CCDC97: variants seen among roughly 807,000 people sequenced by gnomAD.
CCDC97 encodes coiled-coil domain containing 97.
A neutral mutation model predicts 33.9 loss-of-function variants in CCDC97; 27 were observed. That is an observed-to-expected ratio of 0.80 (90% confidence interval 0.59 to 1.10). The LOEUF is 1.10. Among genes scored for constraint, CCDC97 ranks in the 50% least tolerant of loss-of-function variants. The probability of loss-of-function intolerance (pLI) is 0.00; values close to 1 mark genes in which losing one functional copy is unlikely to be tolerated. For missense variants in CCDC97, 422 were observed against 476.6 expected (o/e 0.89, Z 1.07); for synonymous variants, 217 against 194.0 (o/e 1.12, Z -0.99).
At chr19:41,320,251 G>C in intron 3 of CCDC97, 90 bp from the exon 4 acceptor site, 2 of 1,555,556 alleles carry the variant, frequency 1.3e-6, no homozygotes, top group Non-Finnish European at 1.8e-6. Flanking sequence ...CGCAAGGCTG[G>C]GCACAGGAGC....
At chr19:41,315,567 G>A (rs970056725) in intron 1 of CCDC97, among the ~76,000 whole-genome samples, 5 of 148,798 alleles carry the variant, frequency 3.4e-5, no homozygotes, top group South Asian at 2.1e-4. Context: ...CAGATCTCAC[G>A]CCATTGCACT....
intron 3 of CCDC97, 46 bp from the exon 4 acceptor site, chr19:41,320,295 G>C: frequency 6.2e-7 from 1 of 1,609,928 alleles, no homozygotes; most frequent in Non-Finnish European, 8.5e-7. Flanking sequence ...CTCAGTGCCT[G>C]CCCGAGTGCA....
chr19:41,317,086 G>A (rs2037758724), intron 2 of CCDC97, among the ~76,000 whole-genome samples: 1 of 152,198 alleles, frequency 6.6e-6, no homozygotes. Flanking sequence ...GATGTTAGAA[G>A]TGGCATTTCA....
Position 41,319,619 on chromosome 19 carries a change from T to A in CCDC97, c.548T>A (p.Leu183Gln), listed in dbSNP as rs1281044763. ...SDEQMRFRAP[L>Q]LYEQYIGQYL... ...GAGCAGATGCGGTTCCGGGCCCCCCTGCTATATGAGCAGTACATCGGGCAG... is the reference window on the plus strand; with the variant it reads ...GAGCAGATGCGGTTCCGGGCCCCCCAGCTATATGAGCAGTACATCGGGCAG... Residue 183 changes from leucine (L) to glutamine (Q), a missense_variant, in exon 3 of 5, where the codon CTG (leucine) becomes CAG (glutamine). By Grantham distance (113) the Leu-to-Gln change is moderately radical. Transcript: ENST00000269967. The A allele has an allele frequency of 1.2e-6, 2 of 1,612,960 alleles. No homozygotes were observed. Among genetic ancestry groups the A allele is most frequent in the Non-Finnish European group, 1.7e-6 (2 of 1,179,266 alleles).
chr19:41,310,668 T>C (rs1454334735), intron 1 of CCDC97: 3 of 1,301,204 alleles, frequency 2.3e-6, no homozygotes, highest in Admixed American at 3.4e-5. Flanking sequence ...GCCTAATTCC[T>C]GCATTGCCTC....
rs752661636 is a variant in CCDC97 at position 41,319,672 on chromosome 19, C to T, written c.601C>T (p.Arg201Cys). ...QYLTQEELSA[R>C]TPTHQPPKPG... ...TCTCACCCAGGAGGAGCTCAGTGCC[C>T]GCACCCCAACCCACCAGCCCCCCAA... is the stretch of plus-strand genomic sequence containing the variant. Residue 201 changes from arginine to cysteine, a missense_variant, in exon 3 of 5, where the codon CGC (arginine) becomes TGC (cysteine). Arg to Cys is a radical substitution (Grantham distance 180). Coordinates refer to ENST00000269967, the MANE Select transcript of CCDC97 (RefSeq NM_052848.3). 32 of 1,613,930 alleles carry T rather than the reference C, an allele frequency of 2.0e-5. No individual in the cohort carries two copies. Among genetic ancestry groups the T allele is most frequent in the South Asian group, 1.2e-4 (11 of 91,082 alleles).
At chr19:41,316,889 G>C (rs1259845164) in intron 2 of CCDC97, 50 bp downstream of exon 2, 1 of 1,370,760 alleles carries the variant, frequency 7.3e-7, no homozygotes, top group Non-Finnish European at 1.0e-6. Context: ...AGGGAGGGGA[G>C]ACTGAGGCAG....
In CCDC97 at chr19:41,319,639, G is replaced by A. The variant is rs201959741; in HGVS notation, c.568G>A (p.Gly190Arg). 184 of 1,613,830 alleles carry A rather than the reference G, an allele frequency of 1.1e-4. No individual in the cohort carries two copies. The highest frequency in any genetic ancestry group is 1.2e-5 in the Non-Finnish European group (14 of 1,179,954). The change falls in exon 3 of 5, where the codon GGG (glycine) becomes AGG (arginine). Residue 190 changes from glycine (G) to arginine (R), a missense_variant. Gly to Arg is a moderately radical substitution (Grantham distance 125). Transcript: ENST00000269967. The stretch of plus-strand genomic sequence containing the variant: ...CCCCCTGCTATATGAGCAGTACATC[G>A]GGCAGTATCTCACCCAGGAGGAGCT... ...RAPLLYEQYI[G>R]QYLTQEELSA... is the part of the protein sequence containing the mutation.
chr19:41,322,819 G>A lies in CCDC97; in HGVS notation c.*104G>A, dbSNP rs2037838803. On this transcript the variant is annotated 3_prime_UTR_variant, in exon 5 of 5. Transcript: ENST00000269967. Reference sequence around the variant, plus strand: ...TTCTCTAGGGGGACATCAGGGCAGTGCCCCACAACCCACACACACCACCAT... The same window carrying A: ...TTCTCTAGGGGGACATCAGGGCAGTACCCCACAACCCACACACACCACCAT... 3.7e-6 allele frequency: 5 copies of A among 1,339,542 alleles called. No homozygotes were observed. Among genetic ancestry groups the A allele is most frequent in the Non-Finnish European group, 5.1e-6 (5 of 973,954 alleles). The allele number at this position is 1,339,542 out of a possible 1,614,324, so 83.0% of individuals were successfully genotyped here.
In CCDC97 at chr19:41,322,744, C is replaced by A; in HGVS notation, c.*29C>A. 6.2e-7 allele frequency: 1 copy of A among 1,606,054 alleles called. No homozygotes were observed. The highest frequency in any genetic ancestry group is 1.1e-5 in the South Asian group (1 of 90,326). ...CCGCCACCCTTCCCACCGCCTGCCCCATCCCCATCCCCAACAAGGCAGCTG... is the reference window on the plus strand; with the variant it reads ...CCGCCACCCTTCCCACCGCCTGCCCAATCCCCATCCCCAACAAGGCAGCTG... On this transcript the variant is annotated 3_prime_UTR_variant, in exon 5 of 5. Transcript: ENST00000269967.
In CCDC97 at chr19:41,323,469, C is replaced by T. The variant is rs991779657; in HGVS notation, c.*754C>T. ...CCTGGCTGCTATAGGCAGCAGAACC[C>T]TGACCACTGAGTAATACAGCCCCAG... On this transcript the variant is annotated 3_prime_UTR_variant, in exon 5 of 5. Coordinates refer to ENST00000269967, the MANE Select transcript of CCDC97 (RefSeq NM_052848.3). 2 of 152,940 alleles carry T rather than the reference C, an allele frequency of 1.3e-5. No individual in the cohort carries two copies. Among genetic ancestry groups the T allele is most frequent in the Admixed American group, 6.5e-5 (1 of 15,280 alleles). 9.5% of individuals were successfully genotyped at this position (152,940 alleles called of 1,614,324 possible).
Position 41,316,792 on chromosome 19 carries a change from C to T in CCDC97, c.455C>T (p.Thr152Ile). Reference sequence around the variant, plus strand: ...ACTGCCCGGCCCCGCACCCTGCGTACCCGCCTGCGTAACCGGCGCTATGCT... The same window carrying T: ...ACTGCCCGGCCCCGCACCCTGCGTATCCGCCTGCGTAACCGGCGCTATGCT... ...QGTARPRTLR[T>I]RLRNRRYAAL... The change falls in exon 2 of 5, where the codon ACC (threonine) becomes ATC (isoleucine). Residue 152 changes from threonine to isoleucine, a missense_variant. Physicochemically the swap from Thr to Ile is moderately conservative, Grantham distance 89. Transcript: ENST00000269967. 1.2e-6 allele frequency: 2 copies of T among 1,603,142 alleles called. No individual in the cohort carries two copies. Among genetic ancestry groups the T allele is most frequent in the African/African-American group, 2.7e-5 (2 of 74,816 alleles).
chr19:41,313,135 C>G (rs972678296), intron 1 of CCDC97, among the ~76,000 whole-genome samples: 19 of 152,056 alleles, frequency 1.2e-4, no homozygotes, highest in Admixed American at 1.2e-3. Flanking sequence ...TTTTGCACAG[C>G]CAGTTTTTAG....
At chr19:41,317,912 G>A (rs540732104) in intron 2 of CCDC97, among the ~76,000 whole-genome samples, 1 of 150,532 alleles carries the variant, frequency 6.6e-6, no homozygotes, top group Non-Finnish European at 1.5e-5. Context: ...TTAGCCACAT[G>A]TGGTGGCAGG....
chr19:41,316,920 A>G, intron 2 of CCDC97, 81 bp downstream of exon 2: 1 of 1,097,504 alleles, frequency 9.1e-7, no homozygotes. Flanking sequence ...AGAAAAGAAT[A>G]CAAGAGCAGA....
chr19:41,312,714 C>G (rs2037700282), intron 1 of CCDC97, among the ~76,000 whole-genome samples: 1 of 152,212 alleles, frequency 6.6e-6, no homozygotes, highest in African/African-American at 2.4e-5. Flanking sequence ...CTTGCCTCTT[C>G]CAGCCAGTGG....
Position 41,319,970 on chromosome 19 carries a change from T to C in CCDC97, c.781+118T>C, listed in dbSNP as rs1599876168. 5 of 616,202 alleles carry C rather than the reference T, an allele frequency of 8.1e-6. No homozygotes were observed. In the East Asian group the frequency reaches 1.4e-4, roughly 17 times the overall value. The allele number at this position is 616,202 out of a possible 1,614,324, so 38.2% of individuals were successfully genotyped here. On this transcript the variant is annotated intron_variant, in intron 3 of 4. Coordinates refer to ENST00000269967, the MANE Select transcript of CCDC97 (RefSeq NM_052848.3). ...CCTGCAAAAGCCGACATTGCGTCCCTCCCCTGCCCAGCCTGACTCTCTGTG... is the reference window on the plus strand; with the variant it reads ...CCTGCAAAAGCCGACATTGCGTCCCCCCCCTGCCCAGCCTGACTCTCTGTG...
rs1264236208 is a variant in CCDC97 at position 41,323,880 on chromosome 19, C to G, written c.*1165C>G. On this transcript the variant is annotated 3_prime_UTR_variant, in exon 5 of 5. Transcript: ENST00000269967. Reference sequence around the variant, plus strand: ...TGTGGGAACCCAGGCGTCCCGCCTTCCCATGCCCCCACACCCGGCTCCTGC... The same window carrying G: ...TGTGGGAACCCAGGCGTCCCGCCTTGCCATGCCCCCACACCCGGCTCCTGC... 6.5e-6 allele frequency: 1 copy of G among 153,066 alleles called. No homozygotes were observed. The highest frequency in any genetic ancestry group is 1.5e-5 in the Non-Finnish European group (1 of 68,394). 9.5% of individuals were successfully genotyped at this position (153,066 alleles called of 1,614,324 possible).
At chr19:41,320,116 G>A (rs1283057668) in intron 3 of CCDC97, among the ~76,000 whole-genome samples, 1 of 152,108 alleles carries the variant, frequency 6.6e-6, no homozygotes, top group African/African-American at 2.4e-5. Flanking sequence ...CCACCCTTCA[G>A]GTCTCAGATC....
Sources: allele counts gnomAD v4.1 joint callset (sites outside exome capture counted in the v4.1 genomes callset), GRCh38; gene constraint gnomAD v4.1.1; transcripts MANE v1.5; gene names NCBI Gene and HGNC (gene_info 2026-07-23, HGNC 2026-07-21).